The following SLC67A1 variants were observed in gnomAD, a reference collection of about 807,000 sequenced individuals.
The protein encoded by SLC67A1 is solute carrier family 67 member 1, also known as solute carrier family 67 member A1.
At chr11:2,902,517 G>A in the SLC67A1 span, 1 of 934,688 alleles carries the variant, frequency 1.1e-6, no homozygotes, top group Middle Eastern at 5.5e-4. Flanking sequence ...ATGGGGGAGG[G>A]CGCCAGGCGC....
chr11:2,917,993 C>T, the SLC67A1 span: 1 of 1,612,382 alleles, frequency 6.2e-7, no homozygotes, highest in Non-Finnish European at 8.5e-7. Context: ...GCCAGGCGGC[C>T]CCCGGGCCAG....
the SLC67A1 span, among the ~76,000 whole-genome samples, chr11:2,900,390 C>G: frequency 6.6e-6 from 1 of 152,212 alleles, no homozygotes; most frequent in African/African-American, 2.4e-5. Context: ...AGAACAAAGA[C>G]CCAAAGATAT....
At chr11:2,914,147 C>T in the SLC67A1 span, among the ~76,000 whole-genome samples, 25 of 152,366 alleles carry the variant, frequency 1.6e-4, no homozygotes, top group Middle Eastern at 0.01. Flanking sequence ...GTCCTTTCAA[C>T]AGCATCCAGA....
At chr11:2,909,222 C>G in the SLC67A1 span, 2 of 1,537,884 alleles carry the variant, frequency 1.3e-6, no homozygotes, top group Non-Finnish European at 1.7e-6. Flanking sequence ...GGGGCGCGGG[C>G]GGCGCTCACG....
At chr11:2,905,115 G>A in the SLC67A1 span, among the ~76,000 whole-genome samples, 2 of 152,272 alleles carry the variant, frequency 1.3e-5, no homozygotes, top group South Asian at 2.1e-4. Flanking sequence ...GACGATTTTC[G>A]ACCCCAGTGG....
the SLC67A1 span, among the ~76,000 whole-genome samples, chr11:2,904,781 A>G: frequency 6.6e-6 from 1 of 152,316 alleles, no homozygotes; most frequent in East Asian, 1.9e-4. Flanking sequence ...TCTTCCTCAT[A>G]GAGAAGGCAA....
At chr11:2,908,163 C>CAA in the SLC67A1 span, 1 of 962,606 alleles carries the variant, frequency 1.0e-6, no homozygotes, top group African/African-American at 1.6e-5. Flanking sequence ...CCCTGCCCAT[C>CAA]CAGGGACCCC....
the SLC67A1 span, among the ~76,000 whole-genome samples, chr11:2,908,567 G>A: frequency 6.6e-6 from 1 of 152,230 alleles, no homozygotes; most frequent in Admixed American, 6.5e-5. Flanking sequence ...AGTGTGACTG[G>A]TGAACACCTC....
chr11:2,903,491 T>C, the SLC67A1 span: 2 of 1,612,994 alleles, frequency 1.2e-6, no homozygotes, highest in African/African-American at 2.7e-5. Flanking sequence ...ATCGTGCCAG[T>C]GAGTAACACA....
the SLC67A1 span, chr11:2,920,598 G>C: frequency 2.0e-5 from 3 of 152,462 alleles, no homozygotes; most frequent in Non-Finnish European, 1.5e-5. Flanking sequence ...GAACTGCCCA[G>C]GGACGGGGAA....
chr11:2,903,289 G>C, the SLC67A1 span: 1 of 1,587,146 alleles, frequency 6.3e-7, no homozygotes, highest in Non-Finnish European at 8.6e-7. Context: ...TTTGCCCCCT[G>C]CTCCGCCAGC....
the SLC67A1 span, among the ~76,000 whole-genome samples, chr11:2,900,351 T>C: frequency 6.6e-6 from 1 of 152,062 alleles, no homozygotes; most frequent in Non-Finnish European, 1.5e-5. Flanking sequence ...GGTCCCCAAA[T>C]TGATTGACGT....
At chr11:2,906,719 G>A in the SLC67A1 span, among the ~76,000 whole-genome samples, 1 of 137,324 alleles carries the variant, frequency 7.3e-6, no homozygotes, top group Non-Finnish European at 1.5e-5. Flanking sequence ...CTGTCGTGGG[G>A]TGGGGGGAGG....
the SLC67A1 span, chr11:2,918,021 C>A: frequency 6.2e-7 from 1 of 1,613,564 alleles, no homozygotes; most frequent in Non-Finnish European, 8.5e-7. Flanking sequence ...GACCTGAAGG[C>A]CATCGCCTCC....
At chr11:2,909,292 C>A in the SLC67A1 span, 1 of 1,534,472 alleles carries the variant, frequency 6.5e-7, no homozygotes, top group Non-Finnish European at 8.7e-7. Flanking sequence ...CCAGCCCGGC[C>A]CTGCCCGGGG....
the SLC67A1 span, chr11:2,916,968 G>GGGA: frequency 5.8e-6 from 3 of 516,684 alleles, no homozygotes; most frequent in East Asian, 3.6e-5. Context: ...GAGGCCCAGA[G>GGGA]AGGCAGGAAG....
chr11:2,919,224 G>A, the SLC67A1 span: 4 of 971,522 alleles, frequency 4.1e-6, no homozygotes, highest in South Asian at 4.2e-5. Flanking sequence ...ACCCTGATTG[G>A]CCAGGCTGCT....
the SLC67A1 span, among the ~76,000 whole-genome samples, chr11:2,924,534 G>A: frequency 6.6e-6 from 1 of 152,214 alleles, no homozygotes; most frequent in Admixed American, 6.5e-5. The surrounding 1 kb of genome is among the most constrained non-coding windows in gnomAD (Gnocchi z 8.6). Flanking sequence ...CCCTGGGAAA[G>A]AGCCGTGAGA....
the SLC67A1 span, chr11:2,908,102 A>C: frequency 3.2e-6 from 2 of 624,300 alleles, no homozygotes; most frequent in East Asian, 2.9e-5. Context: ...GGGCCCCTCG[A>C]TGGTCATACT....
Sources: gnomAD v4.1 joint callset for allele counts (sites outside exome capture counted in the v4.1 genomes callset) on GRCh38, gnomAD v4.1.1 for gene constraint, Gnocchi (gnomAD v3.1) non-coding constraint, MANE v1.5 for transcripts, NCBI Gene and HGNC (gene_info 2026-07-23, HGNC 2026-07-21) for gene names.